CALD1: variants seen among roughly 807,000 people sequenced by gnomAD.
CALD1 encodes caldesmon 1.
In CALD1, 33 loss-of-function variants were observed where a neutral mutation model predicts 99.9. That is an observed-to-expected ratio of 0.33 (90% confidence interval 0.25 to 0.44). CALD1 has a LOEUF of 0.44. CALD1 is among the 20% of genes least tolerant of loss of function. The pLI, the probability that CALD1 is intolerant of heterozygous loss-of-function variation, is 1.00. For missense variants in CALD1, 861 were observed against 962.1 expected, an observed-to-expected ratio of 0.89 and a Z score of 1.39; for synonymous variants, 310 against 325.0, an observed-to-expected ratio of 0.95 and a Z score of 0.50.
intron 9 of CALD1, among the ~76,000 whole-genome samples, chr7:134,951,664 G>A (rs1807349207): frequency 6.6e-6 from 1 of 152,168 alleles, no homozygotes; most frequent in African/African-American, 2.4e-5. Context: ...CCTATTTGAT[G>A]TAAAACAGAG....
At chr7:134,767,755 G>A (rs1404801701) in intron 1 of CALD1, among the ~76,000 whole-genome samples, 2 of 152,198 alleles carry the variant, frequency 1.3e-5, no homozygotes, top group African/African-American at 2.4e-5. Flanking sequence ...TCCATCTCTG[G>A]TGCCTGTCAG....
intron 3 of CALD1, among the ~76,000 whole-genome samples, chr7:134,893,977 G>C (rs1369380444): frequency 6.6e-6 from 1 of 152,156 alleles, no homozygotes; most frequent in Non-Finnish European, 1.5e-5. Context: ...GGAAAAATGC[G>C]GGGAATCTGC....
intron 1 of CALD1, among the ~76,000 whole-genome samples, chr7:134,792,286 C>CTTTTT (rs1228341394): frequency 1.1e-4 from 14 of 122,778 alleles, no homozygotes; most frequent in Non-Finnish European, 1.4e-4. Flanking sequence ...ATTTCCTCTT[C>CTTTTT]TTTTTTTTTT....
At chr7:134,778,670 A>G (rs1483975228), upstream of CALD1, among the ~76,000 whole-genome samples, 1 of 152,200 alleles carries the variant, frequency 6.6e-6, no homozygotes, top group Admixed American at 6.5e-5. Context: ...CACACATCCT[A>G]ACCATGAAGA....
intron 1 of CALD1, among the ~76,000 whole-genome samples, chr7:134,792,124 T>A (rs1374439930): frequency 6.6e-6 from 1 of 152,146 alleles, no homozygotes; most frequent in African/African-American, 2.4e-5. Context: ...TATTTCTGGA[T>A]GGAGGTTAGA....
At chr7:134,967,087 C>T (rs1357486222) in intron 14 of CALD1, among the ~76,000 whole-genome samples, 1 of 152,128 alleles carries the variant, frequency 6.6e-6, no homozygotes, top group Non-Finnish European at 1.5e-5. Context: ...ATAACGGAGT[C>T]TCTCTGGATA....
At chr7:134,954,907 G>A (rs1415958043) in intron 9 of CALD1, among the ~76,000 whole-genome samples, 1 of 152,202 alleles carries the variant, frequency 6.6e-6, no homozygotes, top group Non-Finnish European at 1.5e-5. Context: ...CTGAAACCAT[G>A]TAAACCAGAA....
the CALD1 span, among the ~76,000 whole-genome samples, chr7:134,735,565 C>CTGTG: frequency 0.021 from 2,535 of 121,298 alleles, 33 homozygotes; most frequent in African/African-American, 0.035. Context: ...CCACTACCCT[C>CTGTG]TGTGTGTGTG....
intron 13 of CALD1, chr7:134,960,864 G>C (rs1808209823): frequency 3.0e-6 from 1 of 335,320 alleles, no homozygotes; most frequent in Non-Finnish European, 5.4e-6. Flanking sequence ...CTGAGAGGAG[G>C]AATCAGCTAG....
Position 134,856,159 on chromosome 7 carries a change from G to C in CALD1, c.-41-11534G>C, listed in dbSNP as rs370023597. Reference sequence around the variant, plus strand: ...TTTGCCTCTTTTGGTTTGAATCCTCGAACTGTTGCCTTCCACGTATAGTAC... The same window carrying C: ...TTTGCCTCTTTTGGTTTGAATCCTCCAACTGTTGCCTTCCACGTATAGTAC... On this transcript the variant is annotated intron_variant, in intron 2 of 14. Coordinates refer to ENST00000361675, the MANE Select transcript of CALD1 (RefSeq NM_033138.4). 1.1e-4 allele frequency among the ~76,000 whole-genome samples: 16 copies of C among 152,248 alleles called. No individual in the cohort carries two copies. In the South Asian group the frequency reaches 3.3e-3, roughly 32 times the overall value.
chr7:134,743,572 C>T (rs1339669741), upstream of CALD1, among the ~76,000 whole-genome samples: 1 of 152,168 alleles, frequency 6.6e-6, no homozygotes, highest in Non-Finnish European at 1.5e-5. Flanking sequence ...ACATCTCTTT[C>T]AAAGTGGAGA....
At chr7:134,940,474 T>A (rs1221006311) in intron 6 of CALD1, among the ~76,000 whole-genome samples, 1 of 152,218 alleles carries the variant, frequency 6.6e-6, no homozygotes. Flanking sequence ...CTTTAATGGT[T>A]TAGATGACTA....
At chr7:134,761,214 C>T (rs1398274427) in intron 1 of CALD1, among the ~76,000 whole-genome samples, 2 of 152,164 alleles carry the variant, frequency 1.3e-5, no homozygotes, top group African/African-American at 4.8e-5. Flanking sequence ...TTTATTTTTA[C>T]TTCTCCCTAA....
chr7:134,915,549 G>A (rs1804144219), intron 3 of CALD1, among the ~76,000 whole-genome samples: 1 of 152,140 alleles, frequency 6.6e-6, no homozygotes, highest in South Asian at 2.1e-4. Context: ...GCCTTGTTGG[G>A]ATAGAAATCT....
chr7:134,823,661 A>G (rs758184560), intron 1 of CALD1, among the ~76,000 whole-genome samples: 1 of 152,242 alleles, frequency 6.6e-6, no homozygotes, highest in Non-Finnish European at 1.5e-5. Flanking sequence ...TCAAGAAAAA[A>G]TGACTCATTT....
At chr7:134,902,825 A>G (rs945888183) in intron 3 of CALD1, among the ~76,000 whole-genome samples, 17 of 152,148 alleles carry the variant, frequency 1.1e-4, no homozygotes, top group African/African-American at 4.1e-4. Flanking sequence ...TAAACTGACT[A>G]CTGTATTACT....
At chr7:134,799,603 T>C (rs1797871152) in intron 1 of CALD1, among the ~76,000 whole-genome samples, 1 of 152,204 alleles carries the variant, frequency 6.6e-6, no homozygotes, top group South Asian at 2.1e-4. Flanking sequence ...GAACATGTTG[T>C]ACCAGGGATG....
At chr7:134,838,872 T>A (rs1799542898) in intron 1 of CALD1, among the ~76,000 whole-genome samples, 1 of 152,240 alleles carries the variant, frequency 6.6e-6, no homozygotes. Flanking sequence ...GGAGTTGTCA[T>A]CTTTCCAGAC....
chr7:134,920,517 G>A, intron 3 of CALD1: 1 of 1,176,096 alleles, frequency 8.5e-7, no homozygotes, highest in South Asian at 1.7e-5. Flanking sequence ...TCTTCTTTGG[G>A]GTGTGGCCTT....
Sources: allele counts gnomAD v4.1 joint callset (sites outside exome capture counted in the v4.1 genomes callset), GRCh38; gene constraint gnomAD v4.1.1; transcripts MANE v1.5; gene names NCBI Gene and HGNC (gene_info 2026-07-23, HGNC 2026-07-21).